The following IGBP1C variants were observed in gnomAD, a reference collection of about 807,000 sequenced individuals.
IGBP1C encodes immunoglobulin-binding protein 1 family member C.
the IGBP1C span, among the ~76,000 whole-genome samples, chr17:58,665,685 A>C: frequency 1.3e-5 from 2 of 152,114 alleles, no homozygotes; most frequent in African/African-American, 4.8e-5. Flanking sequence ...GTACAGCTTT[A>C]AACAGTAAGC....
chr17:58,679,892 G>A, the IGBP1C span, among the ~76,000 whole-genome samples: 1 of 152,122 alleles, frequency 6.6e-6, no homozygotes, highest in Non-Finnish European at 1.5e-5. Context: ...ATAGCCAGCA[G>A]TCACTGCGCT....
the IGBP1C span, among the ~76,000 whole-genome samples, chr17:58,675,100 T>C: frequency 6.6e-6 from 1 of 150,934 alleles, no homozygotes; most frequent in Non-Finnish European, 1.5e-5. Flanking sequence ...GAGCTGACAT[T>C]GTGCCATTGC....
chr17:58,663,917 C>T, the IGBP1C span, among the ~76,000 whole-genome samples: 1 of 152,160 alleles, frequency 6.6e-6, no homozygotes, highest in Non-Finnish European at 1.5e-5. Flanking sequence ...GTGGCTCATG[C>T]CTGCAATCCC....
chr17:58,677,988 A>G, the IGBP1C span, among the ~76,000 whole-genome samples: 2 of 152,142 alleles, frequency 1.3e-5, no homozygotes, highest in Admixed American at 6.6e-5. Flanking sequence ...CATCTCTACT[A>G]AAAATACAAA....
the IGBP1C span, among the ~76,000 whole-genome samples, chr17:58,683,129 T>C: frequency 6.6e-6 from 1 of 151,276 alleles, no homozygotes; most frequent in African/African-American, 2.4e-5. Flanking sequence ...TCCCAGCAGT[T>C]TGGGAGGCTG....
chr17:58,686,542 C>G, the IGBP1C span, among the ~76,000 whole-genome samples: 2 of 152,064 alleles, frequency 1.3e-5, no homozygotes, highest in Admixed American at 6.6e-5. Context: ...GAGTCACTGC[C>G]ATGCCCAGGT....
the IGBP1C span, among the ~76,000 whole-genome samples, chr17:58,683,994 G>C: frequency 6.6e-6 from 1 of 152,086 alleles, no homozygotes; most frequent in Non-Finnish European, 1.5e-5. Context: ...GAACCCGAGA[G>C]ACGGAGGTTG....
the IGBP1C span, chr17:58,666,709 G>C: frequency 6.6e-6 from 1 of 152,108 alleles, no homozygotes; most frequent in Non-Finnish European, 1.5e-5. Flanking sequence ...AGGTACTTGC[G>C]TGACCCCAGC....
the IGBP1C span, among the ~76,000 whole-genome samples, chr17:58,676,045 G>C: frequency 6.6e-6 from 1 of 152,218 alleles, no homozygotes; most frequent in South Asian, 2.1e-4. Flanking sequence ...TTCGAGACCA[G>C]CCTGACCAAC....
At chr17:58,667,008 C>T in the IGBP1C span, among the ~76,000 whole-genome samples, 1 of 152,184 alleles carries the variant, frequency 6.6e-6, no homozygotes, top group Non-Finnish European at 1.5e-5. Flanking sequence ...CTCCTGCTCG[C>T]GTCAATGCAA....
the IGBP1C span, among the ~76,000 whole-genome samples, chr17:58,689,868 G>A: frequency 7.2e-6 from 1 of 138,440 alleles, no homozygotes; most frequent in African/African-American, 2.7e-5. Flanking sequence ...TTTTTTTTCT[G>A]AGATGGAGTC....
the IGBP1C span, among the ~76,000 whole-genome samples, chr17:58,669,584 A>T: frequency 1.3e-5 from 2 of 151,276 alleles, no homozygotes; most frequent in African/African-American, 4.9e-5. Flanking sequence ...AAATACAAAA[A>T]TTAGCCAGGT....
At chr17:58,677,276 A>G in the IGBP1C span, among the ~76,000 whole-genome samples, 1 of 152,142 alleles carries the variant, frequency 6.6e-6, no homozygotes, top group Non-Finnish European at 1.5e-5. Context: ...CAAGAGCAAG[A>G]CCCTGTCTCT....
At chr17:58,688,114 CTTTTT>C in the IGBP1C span, among the ~76,000 whole-genome samples, 13 of 151,990 alleles carry the variant, frequency 8.6e-5, no homozygotes, top group African/African-American at 2.9e-4. Flanking sequence ...CAATTATAGA[CTTTTT>C]TTGTTTTGTT....
chr17:58,679,114 A>G, the IGBP1C span, among the ~76,000 whole-genome samples: 1 of 152,232 alleles, frequency 6.6e-6, no homozygotes, highest in South Asian at 2.1e-4. Flanking sequence ...AGATTGCGCC[A>G]TTGTACTCCA....
chr17:58,684,630 C>CAAATAAATAAAT, the IGBP1C span, among the ~76,000 whole-genome samples: 8 of 140,442 alleles, frequency 5.7e-5, no homozygotes, highest in East Asian at 6.3e-4. Context: ...GACCCTGTCT[C>CAAATAAATAAAT]AAATAAATAA....
the IGBP1C span, among the ~76,000 whole-genome samples, chr17:58,684,693 C>T: frequency 6.6e-6 from 1 of 151,632 alleles, no homozygotes; most frequent in Non-Finnish European, 1.5e-5. Context: ...AGCTTTCTTC[C>T]TCCTACCACT....
the IGBP1C span, among the ~76,000 whole-genome samples, chr17:58,678,008 G>A: frequency 6.6e-6 from 1 of 152,214 alleles, no homozygotes. Flanking sequence ...AAATTAGCCT[G>A]GCATGGTGGC....
At chr17:58,661,863 C>T in the IGBP1C span, 1 of 378,628 alleles carries the variant, frequency 2.6e-6, no homozygotes, top group East Asian at 4.6e-5. Flanking sequence ...TACTGCCTTC[C>T]TGGCTCACAA....
Sources: allele counts gnomAD v4.1 joint callset (sites outside exome capture counted in the v4.1 genomes callset), GRCh38; gene constraint gnomAD v4.1.1; transcripts MANE v1.5; gene names NCBI Gene and HGNC (gene_info 2026-07-23, HGNC 2026-07-21).